The following PRKN variants were observed in gnomAD, a reference collection of about 807,000 sequenced individuals.
The protein encoded by PRKN is E3 ubiquitin-protein ligase parkin.
A neutral mutation model predicts 59.5 loss-of-function variants in PRKN; 56 were observed. That is an observed-to-expected ratio of 0.94 (90% CI 0.76 to 1.18). The LOEUF (loss-of-function observed/expected upper bound fraction) is 1.18, where lower values mean the gene tolerates loss of function less well. Among genes scored for constraint, PRKN ranks in the 50% most tolerant of loss-of-function variants. The pLI is 0.00. For missense variants in PRKN, 657 were observed against 596.4 expected (o/e 1.10, Z -1.06); for synonymous variants, 250 against 222.1 (o/e 1.13, Z -1.12).
At chr6:161,922,317 T>G (rs1254702574) in intron 6 of PRKN, among the ~76,000 whole-genome samples, 2 of 152,168 alleles carry the variant, frequency 1.3e-5, no homozygotes, top group Non-Finnish European at 2.9e-5. Flanking sequence ...CCCCTCAGTG[T>G]GTCCCCACTT....
chr6:161,401,485 C>A lies in PRKN; in HGVS notation c.1084-14608G>T, dbSNP rs986291779. On this transcript the variant is annotated intron_variant, in intron 9 of 11. Coordinates refer to ENST00000366898, the MANE Select transcript of PRKN (RefSeq NM_004562.3). The surrounding 1 kb of genome is among the most constrained non-coding windows in gnomAD (Gnocchi z 4.4). ...AACGTTAGCTGGGCGTGGTGGTGGA[C>A]GCCTGTAATCCCAGCTACTCAGGAG... 6.6e-6 allele frequency among the ~76,000 whole-genome samples: 1 copy of A among 151,970 alleles called. No individual in the cohort carries two copies. Among genetic ancestry groups the A allele is most frequent in the African/African-American group, 2.4e-5 (1 of 41,344 alleles).
At chr6:162,221,155 C>T (rs1171359364) in intron 3 of PRKN, among the ~76,000 whole-genome samples, 2 of 152,172 alleles carry the variant, frequency 1.3e-5, no homozygotes, top group East Asian at 1.9e-4. Context: ...AATGCATATT[C>T]TGCCTATGTT....
chr6:161,880,232 C>T (rs1480806943), intron 6 of PRKN, among the ~76,000 whole-genome samples: 1 of 152,084 alleles, frequency 6.6e-6, no homozygotes, highest in African/African-American at 2.4e-5. Context: ...ACAAAAATTC[C>T]TTATGCCACA....
rs138295521 is a variant in PRKN at position 162,419,907 on chromosome 6, T to C, written c.171+23403A>G. ...ATTACTTACTATCCTCCCTCCTGAT[T>C]TGGGAAAATTTTAGAAAATTACAGT... On this transcript the variant is annotated intron_variant, in intron 2 of 11. Coordinates refer to ENST00000366898, the MANE Select transcript of PRKN (RefSeq NM_004562.3). Among the ~76,000 whole-genome samples, 800 of 152,124 alleles carry C rather than the reference T, an allele frequency of 5.3e-3. 9 individuals are homozygous for C. The highest frequency in any genetic ancestry group is 0.017 in the Middle Eastern group (5 of 294).
rs890968024 is a variant in PRKN at position 161,405,687 on chromosome 6, C to G, written c.1084-18810G>C. Among the ~76,000 whole-genome samples the G allele has an allele frequency of 6.6e-6, 1 of 151,646 alleles. No homozygotes were observed. The highest frequency in any genetic ancestry group is 1.5e-5 in the Non-Finnish European group (1 of 67,914). Reference sequence around the variant, plus strand: ...CATAATCAGCATTTTGGGCCAGCTTCCAGGAGAAAGGGAAGGGAAACTGAG... The same window carrying G: ...CATAATCAGCATTTTGGGCCAGCTTGCAGGAGAAAGGGAAGGGAAACTGAG... On this transcript the variant is annotated intron_variant, in intron 9 of 11. Coordinates refer to ENST00000366898, the MANE Select transcript of PRKN (RefSeq NM_004562.3). The surrounding 1 kb of genome is among the most constrained non-coding windows in gnomAD (Gnocchi z 5.1).
intron 1 of PRKN, among the ~76,000 whole-genome samples, chr6:162,722,369 A>G (rs1420562603): frequency 3.3e-5 from 5 of 152,222 alleles, no homozygotes; most frequent in Non-Finnish European, 5.9e-5. Flanking sequence ...CCAAGATTCT[A>G]TGCTACAGGA....
intron 5 of PRKN, among the ~76,000 whole-genome samples, chr6:162,012,245 G>C (rs1032139963): frequency 1.3e-5 from 2 of 151,970 alleles, no homozygotes; most frequent in African/African-American, 4.8e-5. Context: ...ATTGTACAAA[G>C]AACTCTTACA....
At chr6:161,439,926 G>A (rs1008452312) in intron 9 of PRKN, among the ~76,000 whole-genome samples, 2 of 148,834 alleles carry the variant, frequency 1.3e-5, no homozygotes, top group African/African-American at 5.0e-5. Flanking sequence ...TTGGGCCTAG[G>A]TTTTTTTGTT....
intron 6 of PRKN, among the ~76,000 whole-genome samples, chr6:161,829,019 G>C (rs1792364777): frequency 6.6e-6 from 1 of 151,984 alleles, no homozygotes; most frequent in Non-Finnish European, 1.5e-5. Context: ...TTGAGGTCAG[G>C]AGTTCAAGAC....
At position 161,401,332 on chromosome 6, in the gene PRKN, C is replaced by T. The variant is rs551435829; in HGVS notation, c.1084-14455G>A. Among the ~76,000 whole-genome samples, 4 of 152,178 alleles carry T rather than the reference C, an allele frequency of 2.6e-5. No homozygotes were observed. The highest frequency in any genetic ancestry group is 4.8e-5 in the African/African-American group (2 of 41,514). ...ATTAATTTTAAAAGTTAGAGTTGGC[C>T]GGGCATGGTGGCTCACATCTGTAAT... On this transcript the variant is annotated intron_variant, in intron 9 of 11. Transcript: ENST00000366898. This position sits in a 1 kb window ranked among gnomAD's most constrained non-coding sequence, Gnocchi z 4.4.
chr6:162,106,040 C>T (rs961895552), intron 4 of PRKN, among the ~76,000 whole-genome samples: 2 of 152,022 alleles, frequency 1.3e-5, no homozygotes, highest in African/African-American at 2.4e-5. Flanking sequence ...TAGGAGGAGA[C>T]AAAAAAGTGG....
intron 5 of PRKN, among the ~76,000 whole-genome samples, chr6:162,024,735 G>A (rs1783355500): frequency 6.6e-6 from 1 of 152,066 alleles, no homozygotes; most frequent in Non-Finnish European, 1.5e-5. Context: ...TAGTGACCTT[G>A]GTGCAGTCCC....
intron 1 of PRKN, among the ~76,000 whole-genome samples, chr6:162,689,117 G>A (rs1477514973): frequency 6.6e-6 from 1 of 152,160 alleles, no homozygotes; most frequent in African/African-American, 2.4e-5. Context: ...AATTTGTCAA[G>A]ATCAGGTGAA....
At chr6:162,061,584 C>T (rs1048504340) in intron 4 of PRKN, among the ~76,000 whole-genome samples, 3 of 152,148 alleles carry the variant, frequency 2.0e-5, no homozygotes, top group Non-Finnish European at 2.9e-5. Flanking sequence ...ATAGTAGACA[C>T]TGACACTGTT....
At chr6:162,131,262 C>T (rs1471907919) in intron 4 of PRKN, among the ~76,000 whole-genome samples, 2 of 152,302 alleles carry the variant, frequency 1.3e-5, no homozygotes, top group South Asian at 2.1e-4. Context: ...GCCTGAGGAA[C>T]AGCAGCTTCA....
At position 162,343,512 on chromosome 6, in the gene PRKN, A is replaced by G. The variant is rs368955528; in HGVS notation, c.172-80747T>C. Among the ~76,000 whole-genome samples, 34 of 152,356 alleles carry G rather than the reference A, an allele frequency of 2.2e-4. No homozygotes were observed. In the East Asian group the frequency reaches 2.3e-3, roughly 10 times the overall value. ...CAGTAATAAGAAAAGAGTAGGAAGT[A>G]TAATGGTAGACTACATGGTGGCACT... On this transcript the variant is annotated intron_variant, in intron 2 of 11. Transcript: ENST00000366898.
intron 7 of PRKN, among the ~76,000 whole-genome samples, chr6:161,654,685 G>A (rs755759986): frequency 2.0e-5 from 3 of 152,222 alleles, no homozygotes; most frequent in Non-Finnish European, 2.9e-5. Context: ...CACCTCCCAC[G>A]TGTGTATCTA....
In PRKN at chr6:162,550,991, G is replaced by C. The variant is rs529234024; in HGVS notation, c.8-107518C>G. 6.0e-4 allele frequency among the ~76,000 whole-genome samples: 92 copies of C among 152,228 alleles called. No individual in the cohort carries two copies. In the South Asian group the frequency reaches 8.5e-3, roughly 14 times the overall value. On this transcript the variant is annotated intron_variant, in intron 1 of 11. Coordinates refer to ENST00000366898, the MANE Select transcript of PRKN (RefSeq NM_004562.3). ...GATCTCTAGGATTGAAACAGAGAATGTATGTATGACTAAGCATAACAGCAA... is the reference window on the plus strand; with the variant it reads ...GATCTCTAGGATTGAAACAGAGAATCTATGTATGACTAAGCATAACAGCAA...
chr6:162,328,445 C>G (rs1487661037), intron 2 of PRKN, among the ~76,000 whole-genome samples: 1 of 152,194 alleles, frequency 6.6e-6, no homozygotes, highest in African/African-American at 2.4e-5. Flanking sequence ...TCATTTCTGC[C>G]TTTCCTTCAC....
Sources: allele counts gnomAD v4.1 joint callset (sites outside exome capture counted in the v4.1 genomes callset), GRCh38; gene constraint gnomAD v4.1.1; non-coding constraint Gnocchi (gnomAD v3.1); transcripts MANE v1.5; gene names NCBI Gene and HGNC (gene_info 2026-07-23, HGNC 2026-07-21).